Variants in PARP8 observed in about 807,000 individuals in gnomAD.
The protein encoded by PARP8 is poly(ADP-ribose) polymerase family member 8, also known as protein mono-ADP-ribosyltransferase PARP8.
In PARP8, 51 loss-of-function variants were observed where a neutral mutation model predicts 124.1. The ratio of observed to expected loss-of-function variants is 0.41; its 90% confidence interval spans 0.33 to 0.52. The LOEUF (loss-of-function observed/expected upper bound fraction) is 0.52. Ranked by LOEUF, PARP8 falls within the 20% of genes least tolerant of loss-of-function variation. The pLI, the probability that PARP8 is intolerant of heterozygous loss-of-function variation, is 0.21. For missense variants in PARP8, 860 were observed against 1,018.9 expected (o/e 0.84, Z 2.12); for synonymous variants, 391 against 361.5 (o/e 1.08, Z -0.93).
intron 14 of PARP8, among the ~76,000 whole-genome samples, chr5:50,805,698 C>G (rs1027219547): frequency 1.4e-4 from 22 of 151,990 alleles, no homozygotes; most frequent in Non-Finnish European, 3.1e-4. Flanking sequence ...AAGATTTATA[C>G]TTTTAAAAAA....
chr5:50,807,134 C>T (rs532638922), intron 14 of PARP8, among the ~76,000 whole-genome samples: 1 of 151,644 alleles, frequency 6.6e-6, no homozygotes, highest in African/African-American at 2.4e-5. Flanking sequence ...TCCTCTTTAA[C>T]CTTTATTCTC....
intron 2 of PARP8, among the ~76,000 whole-genome samples, chr5:50,702,245 A>G (rs957497764): frequency 2.6e-5 from 4 of 152,154 alleles, no homozygotes; most frequent in African/African-American, 7.2e-5. Flanking sequence ...TTTAAAAAAG[A>G]TAAGTATTAC....
chr5:50,722,887 T>C (rs1756045301), intron 2 of PARP8, among the ~76,000 whole-genome samples: 1 of 152,128 alleles, frequency 6.6e-6, no homozygotes, highest in African/African-American at 2.4e-5. Flanking sequence ...ACATTATGAA[T>C]ATTTCTGCAG....
intron 23 of PARP8, 104 bp downstream of exon 23, chr5:50,832,958 T>A (rs1381012375): frequency 1.0e-6 from 1 of 973,386 alleles, no homozygotes; most frequent in African/African-American, 1.7e-5. Flanking sequence ...AATTATTTAA[T>A]GTGGTCATTA....
intron 2 of PARP8, among the ~76,000 whole-genome samples, chr5:50,701,069 C>T (rs1753544878): frequency 6.6e-6 from 1 of 152,030 alleles, no homozygotes; most frequent in Middle Eastern, 3.4e-3. Context: ...GTTTGAGTAC[C>T]CTCTTCTAAT....
intron 2 of PARP8, among the ~76,000 whole-genome samples, chr5:50,686,846 G>A (rs1479731677): frequency 6.6e-6 from 1 of 152,140 alleles, no homozygotes; most frequent in East Asian, 1.9e-4. Context: ...CGCAGGGCAT[G>A]GAGTCCCTAG....
chr5:50,803,567 A>G (rs1174675959), intron 14 of PARP8, among the ~76,000 whole-genome samples: 1 of 152,000 alleles, frequency 6.6e-6, no homozygotes, highest in African/African-American at 2.4e-5. Context: ...CAATGGACCT[A>G]TCTTCAAGTT....
chr5:50,779,693 C>G (rs1740450236), intron 9 of PARP8, among the ~76,000 whole-genome samples: 1 of 152,184 alleles, frequency 6.6e-6, no homozygotes, highest in African/African-American at 2.4e-5. Context: ...GGAACATAGA[C>G]AGCACCTTGT....
intron 2 of PARP8, among the ~76,000 whole-genome samples, chr5:50,740,573 C>G (rs1444855295): frequency 7.9e-5 from 12 of 151,906 alleles, no homozygotes; most frequent in Non-Finnish European, 1.5e-5. Context: ...GTCTGTAATC[C>G]CAGCATTTTA....
Position 50,844,092 on chromosome 5 carries a change from G to C in PARP8, c.*2024G>C, listed in dbSNP as rs1009177169. ...GGAGTCTGAACTGGAACGGTAACTC[G>C]TAAGACTCAAGAAAGACCGTTTAAG... On this transcript the variant is annotated 3_prime_UTR_variant, in exon 26 of 26. Transcript: ENST00000281631. 3.3e-5 allele frequency: 5 copies of C among 151,774 alleles called. No individual in the cohort carries two copies. The highest frequency in any genetic ancestry group is 9.7e-5 in the African/African-American group (4 of 41,382). The allele number at this position is 151,774 out of a possible 1,614,324, so 9.4% of individuals were successfully genotyped here. A position where few individuals can be genotyped will look rare whatever the true frequency, so the allele number is the denominator to read the frequency against.
intron 2 of PARP8, among the ~76,000 whole-genome samples, chr5:50,704,216 A>T (rs1753891064): frequency 6.6e-6 from 1 of 151,996 alleles, no homozygotes. Flanking sequence ...GAGAGATGTG[A>T]TATTTATTAC....
At chr5:50,836,795 C>G (rs1747637115) in intron 25 of PARP8, among the ~76,000 whole-genome samples, 1 of 152,166 alleles carries the variant, frequency 6.6e-6, no homozygotes, top group Non-Finnish European at 1.5e-5. Context: ...TTGTTATCCA[C>G]TATTAGATGC....
chr5:50,692,043 A>G (rs1752549029), intron 2 of PARP8, among the ~76,000 whole-genome samples: 1 of 152,174 alleles, frequency 6.6e-6, no homozygotes, highest in Non-Finnish European at 1.5e-5. Flanking sequence ...TGACTATTCA[A>G]AAGCCTTTTC....
intron 10 of PARP8, among the ~76,000 whole-genome samples, chr5:50,790,815 A>C (rs1335515751): frequency 6.6e-6 from 1 of 152,164 alleles, no homozygotes; most frequent in African/African-American, 2.4e-5. Flanking sequence ...TCAAAGAGTT[A>C]CTTGCTTTTA....
intron 14 of PARP8, 43 bp downstream of exon 14, chr5:50,797,276 A>G: frequency 7.7e-7 from 1 of 1,300,250 alleles, no homozygotes. Context: ...TTTAGAATAT[A>G]GAAATATAGA....
intron 2 of PARP8, among the ~76,000 whole-genome samples, chr5:50,740,045 G>A (rs1204795167): frequency 7.2e-5 from 11 of 151,918 alleles, no homozygotes; most frequent in Non-Finnish European, 1.3e-4. Flanking sequence ...TACTGCGCCC[G>A]GCCTGGGTTT....
chr5:50,765,618 T>C (rs1760983516), intron 7 of PARP8, among the ~76,000 whole-genome samples: 1 of 152,218 alleles, frequency 6.6e-6, no homozygotes, highest in African/African-American at 2.4e-5. Context: ...CCAGTTTAAA[T>C]CTTAATGAAT....
At chr5:50,667,442 A>C in intron 1 of PARP8, 1 of 700,630 alleles carries the variant, frequency 1.4e-6, no homozygotes, top group East Asian at 2.7e-5. Flanking sequence ...GCGGGGGTCT[A>C]GGCGAAGGGG....
chr5:50,745,798 T>C (rs1275637661), intron 2 of PARP8, among the ~76,000 whole-genome samples: 1 of 152,182 alleles, frequency 6.6e-6, no homozygotes, highest in Non-Finnish European at 1.5e-5. Context: ...GGTGCCTTGA[T>C]CATCAGTTTT....
Sources: allele counts gnomAD v4.1 joint callset (sites outside exome capture counted in the v4.1 genomes callset), GRCh38; gene constraint gnomAD v4.1.1; transcripts MANE v1.5; gene names NCBI Gene and HGNC (gene_info 2026-07-23, HGNC 2026-07-21).